Variants in CAMK4 observed in about 807,000 individuals in gnomAD.
CAMK4 encodes calcium/calmodulin-dependent protein kinase type IV.
In CAMK4, 22 loss-of-function variants were observed where a neutral mutation model predicts 44.9. That is an observed-to-expected ratio of 0.49 (90% confidence interval 0.35 to 0.70). CAMK4 has a LOEUF of 0.70. CAMK4 is among the 30% of genes least tolerant of loss of function. The pLI, the probability that CAMK4 is intolerant of heterozygous loss-of-function variation, is 0.01. For synonymous variants in CAMK4, 218 were observed against 215.4 expected, an observed-to-expected ratio of 1.01 and a Z score of -0.11; for missense variants, 498 against 586.8, an observed-to-expected ratio of 0.85 and a Z score of 1.56.
chr5:111,314,217 G>A (rs1268554046), intron 1 of CAMK4, among the ~76,000 whole-genome samples: 1 of 152,166 alleles, frequency 6.6e-6, no homozygotes, highest in Non-Finnish European at 1.5e-5. Flanking sequence ...GTGTAATTTG[G>A]TGAAGAGTTA....
intron 2 of CAMK4, among the ~76,000 whole-genome samples, chr5:111,353,549 G>T (rs1750201788): frequency 6.6e-6 from 1 of 151,948 alleles, no homozygotes; most frequent in South Asian, 2.1e-4. Context: ...GAGAATTCTT[G>T]GTAGAAGTAA....
At chr5:111,432,553 C>T (rs748455228) in intron 5 of CAMK4, among the ~76,000 whole-genome samples, 1 of 151,216 alleles carries the variant, frequency 6.6e-6, no homozygotes, top group East Asian at 1.9e-4. Flanking sequence ...CCCCCATTCT[C>T]CATGGTGTAT....
chr5:111,398,594 C>T lies in CAMK4; in HGVS notation c.459+3812C>T, dbSNP rs1409670552. Among the ~76,000 whole-genome samples the T allele has an allele frequency of 2.6e-5, 4 of 152,224 alleles. No individual in the cohort carries two copies. The East Asian group carries it at 7.7e-4, about 29-fold the overall frequency. The stretch of plus-strand genomic sequence containing the variant: ...TTTTACTTGGAATATGATTTCATTT[C>T]GGCGGAAGCCCTACTTGTTTATCAT... On this transcript the variant is annotated intron_variant, in intron 5 of 10. Coordinates refer to ENST00000282356, the MANE Select transcript of CAMK4 (RefSeq NM_001744.6).
At chr5:111,466,944 G>A (rs115864990) in intron 7 of CAMK4, among the ~76,000 whole-genome samples, 33 of 152,038 alleles carry the variant, frequency 2.2e-4, no homozygotes, top group African/African-American at 7.9e-4. Context: ...ACTTTATACT[G>A]TAAGGCCTTA....
rs906302732 is a variant in CAMK4, at chr5:111,244,270, A to AT, written c.161+19635dup. 1.7e-3 allele frequency among the ~76,000 whole-genome samples: 264 copies of AT among 151,130 alleles called. 2 individuals carry two copies. Among genetic ancestry groups the AT allele is most frequent in the African/African-American group, 5.0e-3 (207 of 41,282 alleles). Reference sequence around the variant, plus strand: ...TTCTACCTTGTATGTTTTGCTTACTATTTTTTTTTGCAGAGGATATGTCTT... The same window carrying AT: ...TTCTACCTTGTATGTTTTGCTTACTATTTTTTTTTTGCAGAGGATATGTCTT... On this transcript the variant is annotated intron_variant, in intron 1 of 10. Coordinates refer to ENST00000282356, the MANE Select transcript of CAMK4 (RefSeq NM_001744.6).
At chr5:111,317,722 T>C (rs1580579752) in intron 1 of CAMK4, among the ~76,000 whole-genome samples, 1 of 152,032 alleles carries the variant, frequency 6.6e-6, no homozygotes, top group Admixed American at 6.6e-5. Context: ...GCATGTGTCC[T>C]GTACAGCCCC....
In CAMK4 at chr5:111,349,737, C is replaced by T. The variant is rs139215120; in HGVS notation, c.240+5635C>T. On this transcript the variant is annotated intron_variant, in intron 2 of 10. Transcript: ENST00000282356. ...TATACCTCAGAGTGTATCTAAATGA[C>T]ATGTCAGACTATAAATGTGACTTAT... 1.8e-3 allele frequency among the ~76,000 whole-genome samples: 276 copies of T among 151,952 alleles called. 2 individuals carry two copies. The highest frequency in any genetic ancestry group is 6.1e-3 in the African/African-American group (255 of 41,526).
intron 7 of CAMK4, among the ~76,000 whole-genome samples, chr5:111,450,675 C>G (rs183045188): frequency 1.2e-4 from 18 of 148,598 alleles, no homozygotes; most frequent in Middle Eastern, 3.4e-3. Flanking sequence ...GTAATCCCAG[C>G]GACTCAGGAG....
intron 1 of CAMK4, among the ~76,000 whole-genome samples, chr5:111,267,988 A>G (rs894431016): frequency 2.0e-5 from 3 of 152,142 alleles, no homozygotes; most frequent in Non-Finnish European, 4.4e-5. Flanking sequence ...CTTTCTCTAT[A>G]CTTGAGGCTG....
intron 3 of CAMK4, 149 bp downstream of exon 3, chr5:111,375,061 T>C: frequency 1.7e-6 from 1 of 585,118 alleles, no homozygotes; most frequent in East Asian, 2.9e-5. Flanking sequence ...CTCATCACCT[T>C]TTCAATCCTT....
intron 2 of CAMK4, among the ~76,000 whole-genome samples, chr5:111,351,907 G>C (rs575965848): frequency 1.1e-3 from 170 of 152,254 alleles, no homozygotes; most frequent in Admixed American, 2.4e-3. Flanking sequence ...AGGTCAAGGT[G>C]ACAGCAGATT....
chr5:111,345,480 G>A (rs956829438), intron 2 of CAMK4, among the ~76,000 whole-genome samples: 5 of 151,838 alleles, frequency 3.3e-5, no homozygotes, highest in Non-Finnish European at 7.4e-5. Flanking sequence ...TATTTAGTTT[G>A]TATGAAAATA....
intron 5 of CAMK4, among the ~76,000 whole-genome samples, chr5:111,436,830 A>G (rs1753663082): frequency 6.6e-6 from 1 of 152,242 alleles, no homozygotes; most frequent in South Asian, 2.1e-4. Flanking sequence ...GAGAAAACTA[A>G]CAGCTGAATT....
chr5:111,433,138 A>G (rs1561485423), intron 5 of CAMK4, among the ~76,000 whole-genome samples: 1 of 152,220 alleles, frequency 6.6e-6, no homozygotes. Flanking sequence ...TTCACAGATT[A>G]TCCTGTTTCC....
chr5:111,323,509 A>G (rs771444571), intron 1 of CAMK4, among the ~76,000 whole-genome samples: 1 of 152,000 alleles, frequency 6.6e-6, no homozygotes, highest in Non-Finnish European at 1.5e-5. Context: ...TAAGTCAAGG[A>G]GCATTTGCAT....
chr5:111,359,206 T>C (rs1020610904), intron 2 of CAMK4, among the ~76,000 whole-genome samples: 3 of 152,154 alleles, frequency 2.0e-5, no homozygotes, highest in Non-Finnish European at 4.4e-5. Context: ...AGTGTTCCCT[T>C]TCCTCCACAA....
intron 1 of CAMK4, among the ~76,000 whole-genome samples, chr5:111,330,801 A>T (rs1419492166): frequency 6.6e-6 from 1 of 151,682 alleles, no homozygotes; most frequent in Non-Finnish European, 1.5e-5. Context: ...GAGAGAATAG[A>T]GTCCTGGCAC....
chr5:111,360,962 T>C (rs1468742244), intron 2 of CAMK4, among the ~76,000 whole-genome samples: 2 of 152,206 alleles, frequency 1.3e-5, no homozygotes, highest in East Asian at 1.9e-4. Flanking sequence ...TATTTTTTGG[T>C]TCAACATTAA....
chr5:111,424,739 G>A (rs1357828450), intron 5 of CAMK4, among the ~76,000 whole-genome samples: 4 of 151,584 alleles, frequency 2.6e-5, no homozygotes, highest in Admixed American at 6.6e-5. Flanking sequence ...GAGCCACCGC[G>A]TCCAGCCACA....
Sources: gnomAD v4.1 joint callset for allele counts (sites outside exome capture counted in the v4.1 genomes callset) on GRCh38, gnomAD v4.1.1 for gene constraint, MANE v1.5 for transcripts, NCBI Gene and HGNC (gene_info 2026-07-23, HGNC 2026-07-21) for gene names.